The following ASB17 variants were observed in gnomAD, a reference collection of about 807,000 sequenced individuals.
ASB17 encodes ankyrin repeat and SOCS box containing 17, also known as ankyrin repeat and SOCS box protein 17.
A neutral mutation model predicts 25.7 loss-of-function variants in ASB17; 26 were observed. The ratio of observed to expected loss-of-function variants is 1.01; its 90% CI spans 0.74 to 1.40. The LOEUF (loss-of-function observed/expected upper bound fraction) is 1.40, where lower values mean the gene tolerates loss of function less well. ASB17 is among the 40% of genes most tolerant of loss of function. ASB17 has a pLI of 0.00. For missense variants in ASB17, 326 were observed against 338.5 expected (o/e 0.96, Z 0.29); for synonymous variants, 128 against 121.4 (o/e 1.05, Z -0.36).
At chr1:75,921,025 C>T (rs1473101718) in intron 2 of ASB17, among the ~76,000 whole-genome samples, 2 of 152,084 alleles carry the variant, frequency 1.3e-5, no homozygotes, top group East Asian at 1.9e-4. Context: ...CCGCCCGCCT[C>T]GGCCTCCCAA....
rs905377774 is a variant in ASB17 at position 75,922,064 on chromosome 1, A to T, written c.681+16T>A. On this transcript the variant is annotated intron_variant, in intron 2 of 2. Coordinates refer to ENST00000284142, the MANE Select transcript of ASB17 (RefSeq NM_080868.3). ...ACTAATATTTGAGCCCATTTTTTTT[A>T]AAGTAGTTTTCTTACCTTTATTTCC... 2.5e-6 allele frequency: 4 copies of T among 1,573,240 alleles called. No homozygotes were observed. Among genetic ancestry groups the T allele is most frequent in the Admixed American group, 1.9e-5 (1 of 53,858 alleles).
At chr1:75,925,138 T>C (rs1330184019) in intron 1 of ASB17, among the ~76,000 whole-genome samples, 1 of 152,118 alleles carries the variant, frequency 6.6e-6, no homozygotes, top group Non-Finnish European at 1.5e-5. Flanking sequence ...ATTTGTTAAT[T>C]GAACTTTTTT....
intron 1 of ASB17, among the ~76,000 whole-genome samples, chr1:75,928,051 GGAAA>G (rs1310356119): frequency 1.3e-5 from 2 of 151,988 alleles, no homozygotes; most frequent in African/African-American, 2.4e-5. Context: ...TGTCTTCAAG[GGAAA>G]GAAAGAAGAA....
At chr1:75,923,614 G>A (rs1416194987) in intron 1 of ASB17, among the ~76,000 whole-genome samples, 1 of 152,110 alleles carries the variant, frequency 6.6e-6, no homozygotes, top group Non-Finnish European at 1.5e-5. Context: ...AATACTGCAG[G>A]ACAGCACACA....
intron 1 of ASB17, among the ~76,000 whole-genome samples, chr1:75,922,798 T>C (rs1368300028): frequency 6.6e-6 from 1 of 152,136 alleles, no homozygotes; most frequent in African/African-American, 2.4e-5. Context: ...ACCCAGCCTA[T>C]ATATTTCTTA....
At chr1:75,925,616 G>A (rs1653150261) in intron 1 of ASB17, among the ~76,000 whole-genome samples, 1 of 152,082 alleles carries the variant, frequency 6.6e-6, no homozygotes, top group South Asian at 2.1e-4. Context: ...TACTTATATG[G>A]ATGAAGTGCA....
intron 1 of ASB17, among the ~76,000 whole-genome samples, chr1:75,925,586 C>T (rs911773279): frequency 3.3e-5 from 5 of 152,040 alleles, no homozygotes; most frequent in African/African-American, 1.2e-4. Flanking sequence ...TTAATCTGTA[C>T]TGACAGTTAA....
chr1:75,931,890 C>T lies in ASB17; in HGVS notation c.401+1G>A. ...ATAGTGAAAACATATGAAATTATTA[C>T]CTCCATATCAGTGCCAGGTTACAAC... On this transcript the variant is annotated splice_donor_variant, in intron 1 of 2. Transcript: ENST00000284142. LOFTEE classifies it high-confidence loss of function. The T allele has an allele frequency of 1.3e-6, 2 of 1,566,524 alleles. No homozygotes were observed. Among genetic ancestry groups the T allele is most frequent in the Non-Finnish European group, 8.6e-7 (1 of 1,160,304 alleles).
chr1:75,932,301 T>C lies in ASB17; in HGVS notation c.-10A>G, dbSNP rs1173980087. ...TAGTAGATTTACTCATTGTTACTTATAGCAGCACTGTAGAAATAAAATCAG... is the reference window on the plus strand; with the variant it reads ...TAGTAGATTTACTCATTGTTACTTACAGCAGCACTGTAGAAATAAAATCAG... On this transcript the variant is annotated 5_prime_UTR_variant, in exon 1 of 3. Transcript: ENST00000284142. 3.2e-6 allele frequency: 5 copies of C among 1,583,224 alleles called. No homozygotes were observed. Among genetic ancestry groups the C allele is most frequent in the African/African-American group, 1.4e-5 (1 of 73,996 alleles).
rs1440653795 is a variant in ASB17 at position 75,922,211 on chromosome 1, T to C, written c.550A>G (p.Thr184Ala). 6.2e-7 allele frequency: 1 copy of C among 1,613,916 alleles called. No individual in the cohort carries two copies. Among genetic ancestry groups the C allele is most frequent in the Non-Finnish European group, 8.5e-7 (1 of 1,179,884 alleles). Reference sequence around the variant, plus strand: ...ACTCTCGAAGGGTAGAGTACTATTGTTAAGACAATGTTGATAGGGTTTTTT... The same window carrying C: ...ACTCTCGAAGGGTAGAGTACTATTGCTAAGACAATGTTGATAGGGTTTTTT... ...REKNPINIVL[T>A]IVLYPSRVRV... is the part of the protein sequence containing the mutation. The change falls in exon 2 of 3, where the codon ACA becomes GCA. Residue 184 changes from threonine to alanine, a missense_variant. Physicochemically the swap from Thr to Ala is moderately conservative, Grantham distance 58. Transcript: ENST00000284142.
intron 2 of ASB17, among the ~76,000 whole-genome samples, chr1:75,919,977 CTTTTA>C (rs1652984714): frequency 6.6e-6 from 1 of 152,136 alleles, no homozygotes; most frequent in South Asian, 2.1e-4. Context: ...TTGGATTGTA[CTTTTA>C]TTTTATCAAC....
At chr1:75,919,728 A>G (rs1257940782) in intron 2 of ASB17, among the ~76,000 whole-genome samples, 1 of 152,172 alleles carries the variant, frequency 6.6e-6, no homozygotes, top group Non-Finnish European at 1.5e-5. Context: ...ATCCTTTTTT[A>G]TGGCTGCATA....
chr1:75,928,581 T>C (rs1653236431), intron 1 of ASB17, among the ~76,000 whole-genome samples: 1 of 152,214 alleles, frequency 6.6e-6, no homozygotes, highest in Non-Finnish European at 1.5e-5. Context: ...GAACAACAGA[T>C]AATAGGAAAT....
intron 1 of ASB17, 123 bp from the exon 2 acceptor site, chr1:75,922,482 A>ATTTTT: frequency 4.2e-6 from 1 of 235,608 alleles, no homozygotes; most frequent in Non-Finnish European, 6.9e-6. Flanking sequence ...GTAACTTTAT[A>ATTTTT]TGTTTCTTTT....
At chr1:75,925,209 C>A (rs1653138435) in intron 1 of ASB17, among the ~76,000 whole-genome samples, 1 of 152,002 alleles carries the variant, frequency 6.6e-6, no homozygotes, top group Non-Finnish European at 1.5e-5. Flanking sequence ...TATCCTGTAG[C>A]TTTCAGGTCT....
chr1:75,929,440 C>T (rs886431310), intron 1 of ASB17, among the ~76,000 whole-genome samples: 1 of 151,410 alleles, frequency 6.6e-6, no homozygotes, highest in African/African-American at 2.4e-5. Context: ...ACCATGGTCT[C>T]GATCTCCTGA....
At chr1:75,921,850 T>C (rs1653035475) in intron 2 of ASB17, among the ~76,000 whole-genome samples, 1 of 152,066 alleles carries the variant, frequency 6.6e-6, no homozygotes, top group African/African-American at 2.4e-5. Flanking sequence ...ATCTACTTAA[T>C]ACTAAAATGA....
chr1:75,931,908 G>A lies in ASB17; in HGVS notation c.384C>T (p.Asn128=), dbSNP rs755732849. 2 of 1,602,236 alleles carry A rather than the reference G, an allele frequency of 1.2e-6. No homozygotes were observed. The highest frequency in any genetic ancestry group is 1.7e-6 in the Non-Finnish European group (2 of 1,174,678). The part of the protein sequence containing the change: ...TKDYVQDRSC[N]LALIWRTFTP... ...ATTATTACCTCCATATCAGTGCCAG[G>A]TTACAACTTCTGTCTTGAACATAGT... Residue 128 remains asparagine (N), a synonymous_variant, in exon 1 of 3, where the codon AAC becomes AAT. Transcript: ENST00000284142.
chr1:75,928,502 A>G (rs1653232503), intron 1 of ASB17, among the ~76,000 whole-genome samples: 1 of 152,168 alleles, frequency 6.6e-6, no homozygotes, highest in Non-Finnish European at 1.5e-5. Context: ...AGGGAGATAT[A>G]ATAGGGAAAT....
Sources: allele counts gnomAD v4.1 joint callset (sites outside exome capture counted in the v4.1 genomes callset), GRCh38; gene constraint gnomAD v4.1.1; transcripts MANE v1.5; gene names NCBI Gene and HGNC (gene_info 2026-07-23, HGNC 2026-07-21).